The following PRIMA1 variants were observed in gnomAD, a reference collection of about 807,000 sequenced individuals.
PRIMA1 encodes the protein proline rich membrane anchor 1.
In PRIMA1, 7 loss-of-function variants were observed where a neutral mutation model predicts 17.5. That is an observed-to-expected ratio of 0.40 (90% confidence interval 0.23 to 0.75). The LOEUF is 0.75. Ranked by LOEUF, PRIMA1 falls within the 30% of genes least tolerant of loss-of-function variation. The pLI is 0.37. For synonymous variants in PRIMA1, 97 were observed against 77.9 expected (o/e 1.25, Z -1.29); for missense variants, 200 against 201.8 (o/e 0.99, Z 0.05).
At chr14:93,752,142 C>A (rs1345094206) in intron 3 of PRIMA1, among the ~76,000 whole-genome samples, 2 of 152,178 alleles carry the variant, frequency 1.3e-5, no homozygotes, top group Non-Finnish European at 2.9e-5. Flanking sequence ...AGACAGCCAC[C>A]CGGATCCTGC....
chr14:93,767,176 A>G (rs1251892381), intron 3 of PRIMA1, among the ~76,000 whole-genome samples: 1 of 152,252 alleles, frequency 6.6e-6, no homozygotes, highest in Non-Finnish European at 1.5e-5. Flanking sequence ...GATCAGAAAT[A>G]GCAAACGTCA....
intron 4 of PRIMA1, 109 bp downstream of exon 4, chr14:93,737,132 C>A: frequency 9.1e-7 from 1 of 1,100,508 alleles, no homozygotes. Flanking sequence ...TTCTTATATG[C>A]TTAACAACTT....
chr14:93,769,820 G>T (rs1478635300), intron 3 of PRIMA1, among the ~76,000 whole-genome samples: 2 of 152,148 alleles, frequency 1.3e-5, no homozygotes, highest in Non-Finnish European at 2.9e-5. Flanking sequence ...TTGGATTCTT[G>T]CGAATGTCCC....
intron 4 of PRIMA1, among the ~76,000 whole-genome samples, chr14:93,731,724 C>T (rs2076115705): frequency 6.6e-6 from 1 of 152,176 alleles, no homozygotes; most frequent in South Asian, 2.1e-4. Context: ...TAATCTGCCT[C>T]CTCCAGCAGG....
intron 3 of PRIMA1, among the ~76,000 whole-genome samples, chr14:93,756,212 G>A (rs1158311489): frequency 6.6e-6 from 1 of 152,174 alleles, no homozygotes; most frequent in African/African-American, 2.4e-5. Context: ...CCTAAGATAA[G>A]AAATATCTTT....
At chr14:93,755,032 G>A (rs2076282394) in intron 3 of PRIMA1, among the ~76,000 whole-genome samples, 1 of 152,124 alleles carries the variant, frequency 6.6e-6, no homozygotes, top group African/African-American at 2.4e-5. Context: ...TCTGGGAACT[G>A]ACATTCCCAA....
At chr14:93,721,650 C>A in intron 4 of PRIMA1, 104 bp from the exon 5 acceptor site, 1 of 701,866 alleles carries the variant, frequency 1.4e-6, no homozygotes, top group Non-Finnish European at 2.5e-6. Context: ...CATCCCTGCT[C>A]CGTGAGAGTG....
chr14:93,751,338 T>G (rs953205489), intron 3 of PRIMA1, among the ~76,000 whole-genome samples: 3 of 152,200 alleles, frequency 2.0e-5, no homozygotes, highest in African/African-American at 2.4e-5. Context: ...TTTGCAGGAC[T>G]TGGCCTGAGA....
chr14:93,769,717 T>C (rs1459317158), intron 3 of PRIMA1, among the ~76,000 whole-genome samples: 1 of 152,196 alleles, frequency 6.6e-6, no homozygotes, highest in African/African-American at 2.4e-5. Context: ...ACCTCCTCTT[T>C]TGTTAGTCGG....
intron 2 of PRIMA1, among the ~76,000 whole-genome samples, chr14:93,784,624 C>T (rs1450532602): frequency 6.6e-6 from 1 of 152,154 alleles, no homozygotes; most frequent in African/African-American, 2.4e-5. Flanking sequence ...GCTTCTTTCC[C>T]CTGGGTCTTC....
At chr14:93,771,232 AG>A (rs58149212) in intron 3 of PRIMA1, among the ~76,000 whole-genome samples, 137,091 of 152,162 alleles carry the variant, frequency 0.9, 62,462 homozygotes, top group Non-Finnish European at 0.96. Context: ...CTGCTCCATC[AG>A]GGGTGGTGTC....
chr14:93,724,972 T>G (rs1210770099), intron 4 of PRIMA1, among the ~76,000 whole-genome samples: 1 of 152,136 alleles, frequency 6.6e-6, no homozygotes, highest in African/African-American at 2.4e-5. Context: ...GGATTTCTAT[T>G]GGCAGGAGGC....
At chr14:93,744,657 C>A (rs776737682) in intron 3 of PRIMA1, among the ~76,000 whole-genome samples, 9 of 152,172 alleles carry the variant, frequency 5.9e-5, no homozygotes, top group Non-Finnish European at 1.3e-4. Context: ...TGTGCGCCTG[C>A]AATTCAGGGC....
intron 3 of PRIMA1, among the ~76,000 whole-genome samples, chr14:93,771,158 G>GT (rs1749610527): frequency 6.7e-6 from 1 of 150,142 alleles, no homozygotes; most frequent in South Asian, 2.1e-4. Context: ...GTGTGCGCAT[G>GT]TATGTGTGTG....
At chr14:93,738,830 A>C (rs1020147927) in intron 3 of PRIMA1, among the ~76,000 whole-genome samples, 2 of 152,046 alleles carry the variant, frequency 1.3e-5, no homozygotes, top group African/African-American at 4.8e-5. Flanking sequence ...AATCAGTCCC[A>C]CCCTGGGGCA....
chr14:93,723,062 C>T (rs1417674644), intron 4 of PRIMA1, among the ~76,000 whole-genome samples: 4 of 152,164 alleles, frequency 2.6e-5, no homozygotes, highest in South Asian at 2.1e-4. Context: ...TGGCTCAAGT[C>T]TCACTTCCTC....
intron 3 of PRIMA1, among the ~76,000 whole-genome samples, chr14:93,746,478 G>T (rs1443969590): frequency 6.6e-6 from 1 of 152,110 alleles, no homozygotes; most frequent in Non-Finnish European, 1.5e-5. Context: ...GTGAGTGTGG[G>T]CCTGGCAGTT....
At chr14:93,759,342 C>G (rs1438161778) in intron 3 of PRIMA1, among the ~76,000 whole-genome samples, 3 of 152,132 alleles carry the variant, frequency 2.0e-5, no homozygotes, top group Non-Finnish European at 1.5e-5. Context: ...GCAACCAAAA[C>G]CTAGACACCC....
chr14:93,750,314 A>ACTCT (rs1198790539), intron 3 of PRIMA1, among the ~76,000 whole-genome samples: 1 of 151,994 alleles, frequency 6.6e-6, no homozygotes, highest in Non-Finnish European at 1.5e-5. Flanking sequence ...GGCTGAGGCA[A>ACTCT]GAGGATGGCT....
Sources: allele counts gnomAD v4.1 joint callset (sites outside exome capture counted in the v4.1 genomes callset), GRCh38; gene constraint gnomAD v4.1.1; transcripts MANE v1.5; gene names NCBI Gene and HGNC (gene_info 2026-07-23, HGNC 2026-07-21).